DOCK9: variants seen among roughly 807,000 people sequenced by gnomAD.
DOCK9 encodes the protein dedicator of cytokinesis 9, also known as dedicator of cytokinesis protein 9.
In DOCK9, 89 loss-of-function variants were observed where a neutral mutation model predicts 263.3. The observed-to-expected ratio is 0.34, with a 90% confidence interval of 0.28 to 0.40. The LOEUF is 0.40. Ranked by LOEUF, DOCK9 falls within the 10% of genes least tolerant of loss-of-function variation. DOCK9 has a pLI of 1.00. For missense variants in DOCK9, 2,140 were observed against 2,603.4 expected (o/e 0.82, Z 3.87); for synonymous variants, 976 against 973.1 (o/e 1.00, Z -0.06).
At chr13:98,993,788 T>TAATA (rs4001053) in intron 1 of DOCK9, among the ~76,000 whole-genome samples, 82,669 of 151,598 alleles carry the variant, frequency 0.55, 22,773 homozygotes, top group South Asian at 0.68. Flanking sequence ...ATATTGTAAA[T>TAATA]AATAAATAAA....
intron 2 of DOCK9, among the ~76,000 whole-genome samples, chr13:98,947,342 C>A (rs2056843834): frequency 6.6e-6 from 1 of 151,880 alleles, no homozygotes. Context: ...TAAATATACC[C>A]TTAAGCTCAG....
At chr13:98,961,179 G>A (rs2058598903) in intron 1 of DOCK9, among the ~76,000 whole-genome samples, 1 of 152,186 alleles carries the variant, frequency 6.6e-6, no homozygotes, top group South Asian at 2.1e-4. Context: ...ACTAAGGAAG[G>A]GATGCTTGGA....
At chr13:98,879,230 G>C (rs748906336) in intron 27 of DOCK9, among the ~76,000 whole-genome samples, 4 of 152,172 alleles carry the variant, frequency 2.6e-5, no homozygotes, top group Non-Finnish European at 5.9e-5. Flanking sequence ...CCAGAGACAA[G>C]ACCAGTCATC....
intron 38 of DOCK9, among the ~76,000 whole-genome samples, chr13:98,841,555 C>CCTCAGAATCAAGGAAACATAT (rs1337813261): frequency 1.1e-4 from 16 of 151,926 alleles, no homozygotes; most frequent in Non-Finnish European, 2.1e-4. Context: ...CAAAAATGTG[C>CCTCAGAATCAAGGAAACATAT]CTCAGAATCA....
chr13:98,831,675 T>C lies in DOCK9; in HGVS notation c.4426A>G (p.Thr1476Ala), dbSNP rs762747819. The change falls in exon 40 of 53, where the codon ACT becomes GCT. Residue 1476 changes from threonine to alanine, a missense_variant. This residue lies in a region of DOCK9 where 619 missense variants were observed against 861.8 expected (regional missense o/e 0.72). Coordinates refer to ENST00000682017, the MANE Select transcript of DOCK9 (RefSeq NM_001366683.2). Reference protein sequence around the residue: ...QSETALKNVFTALRSLIYKFP... With the variant: ...QSETALKNVFAALRSLIYKFP... ...TTATAAATTAAGGACCTTAAGGCAG[T>C]GAAGACATTTTTTAAAGCCGTTTCA... 5.0e-6 allele frequency: 8 copies of C among 1,613,660 alleles called. No individual in the cohort carries two copies. In the African/African-American group the frequency reaches 1.1e-4, roughly 22 times the overall value.
At chr13:99,045,383 G>A (rs779213009) in intron 1 of DOCK9, among the ~76,000 whole-genome samples, 1 of 152,196 alleles carries the variant, frequency 6.6e-6, no homozygotes, top group Non-Finnish European at 1.5e-5. Flanking sequence ...AGGACATCAT[G>A]TTAAATGAAG....
chr13:99,054,724 G>T (rs191614060), intron 1 of DOCK9, among the ~76,000 whole-genome samples: 1 of 152,266 alleles, frequency 6.6e-6, no homozygotes, highest in Admixed American at 6.5e-5. Flanking sequence ...CTCCTAAGCT[G>T]GGAGATTCTT....
At chr13:98,840,230 T>C (rs1437638991) in intron 38 of DOCK9, among the ~76,000 whole-genome samples, 1 of 152,162 alleles carries the variant, frequency 6.6e-6, no homozygotes, top group Non-Finnish European at 1.5e-5. Flanking sequence ...GGGTTGGCAA[T>C]GTTTTGAAAG....
upstream of DOCK9, among the ~76,000 whole-genome samples, chr13:98,982,306 A>G (rs542673067): frequency 3.3e-5 from 5 of 152,216 alleles, no homozygotes; most frequent in Non-Finnish European, 7.3e-5. Context: ...TCTTCCACCC[A>G]TAAGATGGAC....
intron 1 of DOCK9, among the ~76,000 whole-genome samples, chr13:99,081,971 T>C (rs2042137189): frequency 1.3e-5 from 2 of 152,140 alleles, no homozygotes; most frequent in African/African-American, 4.8e-5. Context: ...GTATGCTGGC[T>C]CGCACCTGTA....
chr13:98,863,795 G>A (rs2093943276), intron 30 of DOCK9, among the ~76,000 whole-genome samples: 1 of 152,084 alleles, frequency 6.6e-6, no homozygotes, highest in African/African-American at 2.4e-5. Context: ...CTGGATTTTG[G>A]AACATATTGC....
chr13:99,000,417 C>T (rs1727593340), intron 1 of DOCK9, among the ~76,000 whole-genome samples: 1 of 152,152 alleles, frequency 6.6e-6, no homozygotes, highest in African/African-American at 2.4e-5. Context: ...GTGCTAGATT[C>T]CCAAACTTCT....
chr13:98,804,468 C>A (rs1566529637), intron 49 of DOCK9, among the ~76,000 whole-genome samples: 1 of 152,208 alleles, frequency 6.6e-6, no homozygotes. Context: ...TGGATAGCCA[C>A]TGAATGCAGT....
chr13:98,884,975 C>A lies in DOCK9; in HGVS notation c.2378G>T (p.Gly793Val). 1 of 1,613,080 alleles carries A rather than the reference C, an allele frequency of 6.2e-7. No homozygotes were observed. The highest frequency in any genetic ancestry group is 8.5e-7 in the Non-Finnish European group (1 of 1,179,494). Residue 793 changes from glycine (G) to valine (V), a missense_variant, in exon 21 of 53, where the codon GGC becomes GTC. Physicochemically the swap from Gly to Val is moderately radical, Grantham distance 109. This residue lies in a region of DOCK9 where 1,521 missense variants were observed against 1,741.7 expected (regional missense o/e 0.87). Coordinates refer to ENST00000682017, the MANE Select transcript of DOCK9 (RefSeq NM_001366683.2). ...GYLGYQELGM[G>V]RHYGPEIKWV... ...CAATCTTAAAATGGGACATACCCTG[C>A]CCATCCCAAGCTCCTGGTAGCCAAG...
At position 98,878,201 on chromosome 13, in the gene DOCK9, C is replaced by T. The variant is rs576200225; in HGVS notation, c.2943+1697G>A. Among the ~76,000 whole-genome samples the T allele has an allele frequency of 4.1e-4, 62 of 152,306 alleles. No individual in the cohort carries two copies. In the Middle Eastern group the frequency reaches 0.017, roughly 42 times the overall value. On this transcript the variant is annotated intron_variant, in intron 27 of 52. Transcript: ENST00000682017. ...TGTGCACAGCTTGACCCAGGACTTT[C>T]AGCATCTCAATTGTTATAAAATAAA...
intron 1 of DOCK9, among the ~76,000 whole-genome samples, chr13:99,074,290 TTCTC>T (rs1348787085): frequency 1.3e-5 from 2 of 152,246 alleles, no homozygotes; most frequent in Admixed American, 6.5e-5. Context: ...ATGTCATGAC[TTCTC>T]TCTGTTTCCT....
intron 49 of DOCK9, 40 bp from the exon 50 acceptor site, chr13:98,800,518 C>A (rs369429395): frequency 6.3e-6 from 10 of 1,597,454 alleles, no homozygotes; most frequent in African/African-American, 2.7e-5. Flanking sequence ...ATGGCTTGCA[C>A]GAGCTTTAGT....
intron 8 of DOCK9, 149 bp downstream of exon 8, chr13:98,915,180 C>T: frequency 1.4e-6 from 1 of 692,460 alleles, no homozygotes; most frequent in Non-Finnish European, 2.3e-6. Context: ...TGTGACAAAA[C>T]CTTTGCTGAC....
intron 1 of DOCK9, among the ~76,000 whole-genome samples, chr13:98,996,910 G>A (rs928729353): frequency 1.1e-4 from 16 of 152,258 alleles, no homozygotes; most frequent in South Asian, 2.1e-4. Flanking sequence ...CCAAAAATGC[G>A]GATCTTCTGA....
Sources: gnomAD v4.1 joint callset for allele counts (sites outside exome capture counted in the v4.1 genomes callset) on GRCh38, gnomAD v4.1.1 for gene constraint, gnomAD v4.1.1 regional missense constraint, MANE v1.5 for transcripts, NCBI Gene and HGNC (gene_info 2026-07-23, HGNC 2026-07-21) for gene names.